Variants in MLF1 observed in about 807,000 individuals in gnomAD.
The protein encoded by MLF1 is myelodysplasia-myeloid leukemia factor 1.
A neutral mutation model predicts 38.3 loss-of-function variants in MLF1; 37 were observed. The ratio of observed to expected loss-of-function variants is 0.96; its 90% CI spans 0.74 to 1.27. The LOEUF (loss-of-function observed/expected upper bound fraction) is 1.27. MLF1 is among the 50% of genes most tolerant of loss of function. MLF1 has a pLI of 0.00. For synonymous variants in MLF1, 95 were observed against 106.5 expected (o/e 0.89, Z 0.66); for missense variants, 331 against 349.2 (o/e 0.95, Z 0.42).
In MLF1 at chr3:158,598,213, G is replaced by A; in HGVS notation, c.453+5G>A. ...ACTCGTCGAGCTCCAGGAGGAGTAA[G>A]TTTTCTATAAGCATTCCTAAAGTTT... On this transcript the variant is annotated splice_donor_5th_base_variant and intron_variant, in intron 5 of 7. Coordinates refer to ENST00000466246, the MANE Select transcript of MLF1 (RefSeq NM_001369783.1). The A allele has an allele frequency of 6.2e-7, 1 of 1,604,738 alleles. No individual in the cohort carries two copies. The highest frequency in any genetic ancestry group is 8.5e-7 in the Non-Finnish European group (1 of 1,175,726).
chr3:158,597,091 A>G (rs531498512), intron 4 of MLF1, 146 bp downstream of exon 4: 64 of 512,706 alleles, frequency 1.2e-4, no homozygotes, highest in African/African-American at 1.1e-3. Flanking sequence ...TGTATACTTT[A>G]TAAATATATT....
chr3:158,591,116 C>T (rs751044362), intron 1 of MLF1: 27 of 513,034 alleles, frequency 5.3e-5, no homozygotes, highest in Non-Finnish European at 1.6e-5. Flanking sequence ...TGAGCTTCCT[C>T]CTTTGAGCTT....
chr3:158,598,394 GT>G (rs1719222415), intron 5 of MLF1, among the ~76,000 whole-genome samples, 186 bp downstream of exon 5: 1 of 146,630 alleles, frequency 6.8e-6, no homozygotes, highest in Non-Finnish European at 1.5e-5. Flanking sequence ...TATTTACTTA[GT>G]TTGTGGCATT....
chr3:158,572,116 G>T (rs1268993372), intron 1 of MLF1, among the ~76,000 whole-genome samples: 1 of 107,580 alleles, frequency 9.3e-6, no homozygotes, highest in Non-Finnish European at 1.9e-5. Flanking sequence ...CATGAGGTGT[G>T]GGGGAGAGTT....
chr3:158,606,297 G>C lies in MLF1; in HGVS notation c.*1095G>C, dbSNP rs1356002673. The C allele has an allele frequency of 1.2e-5, 2 of 173,460 alleles. No homozygotes were observed. Among genetic ancestry groups the C allele is most frequent in the Non-Finnish European group, 2.5e-5 (2 of 80,242 alleles). The allele number at this position is 173,460 out of a possible 1,614,324, so 10.7% of individuals were successfully genotyped here. On this transcript the variant is annotated 3_prime_UTR_variant, in exon 8 of 8. Transcript: ENST00000466246. ...TCAAGGAAAAAAGCCCCCAAAAATT[G>C]CTATCACTCTATAATCCTAAGTATT... is the stretch of plus-strand genomic sequence containing the variant.
chr3:158,598,791 A>AG (rs1230089388), intron 5 of MLF1, among the ~76,000 whole-genome samples: 3 of 152,114 alleles, frequency 2.0e-5, no homozygotes, highest in South Asian at 2.1e-4. Context: ...TCCCCTTCTC[A>AG]GAGATTACCA....
chr3:158,596,018 C>G (rs1191335524), intron 3 of MLF1, among the ~76,000 whole-genome samples: 5 of 152,096 alleles, frequency 3.3e-5, no homozygotes, highest in Non-Finnish European at 7.4e-5. Context: ...TTCTCAACCT[C>G]AGCCCTACTG....
intron 1 of MLF1, among the ~76,000 whole-genome samples, chr3:158,590,478 A>T (rs1576668311): frequency 6.6e-6 from 1 of 152,360 alleles, no homozygotes; most frequent in East Asian, 1.9e-4. Context: ...ATAAATATTC[A>T]TAGTAGCTTT....
intron 1 of MLF1, 87 bp downstream of exon 1, chr3:158,571,434 AG>A (rs746616663): frequency 6.6e-7 from 1 of 1,517,884 alleles, no homozygotes; most frequent in African/African-American, 1.4e-5. Flanking sequence ...CGAGTTTTAG[AG>A]GGCGAGAGAG....
intron 2 of MLF1, among the ~76,000 whole-genome samples, chr3:158,592,889 A>G (rs1718367568): frequency 6.6e-6 from 1 of 152,140 alleles, no homozygotes; most frequent in African/African-American, 2.4e-5. Flanking sequence ...GATATCTGAA[A>G]TTAGAACAGG....
At position 158,582,315 on chromosome 3, in the gene MLF1, G is replaced by GA. The variant is rs111461599; in HGVS notation, c.48-10109dup. On this transcript the variant is annotated intron_variant, in intron 1 of 7. Coordinates refer to ENST00000466246, the MANE Select transcript of MLF1 (RefSeq NM_001369783.1). ...TGAAAATCAAAGAGAAAAAAGACTGGAAAAAAAAAACCCATAATATCCAAG... is the reference window on the plus strand; with the variant it reads ...TGAAAATCAAAGAGAAAAAAGACTGGAAAAAAAAAAACCCATAATATCCAAG... Among the ~76,000 whole-genome samples, 1,192 of 149,592 alleles carry GA rather than the reference G, an allele frequency of 8.0e-3. 20 individuals carry two copies. Among genetic ancestry groups the GA allele is most frequent in the African/African-American group, 0.028 (1,132 of 40,652 alleles).
At position 158,592,488 on chromosome 3, in the gene MLF1, T is replaced by C; in HGVS notation, c.102T>C (p.Ser34=). ...TGCGACAGATGATAAGAAGTTTTTCTGAACCCTTTGGAAGAGACTTGCTCA... is the reference window on the plus strand; with the variant it reads ...TGCGACAGATGATAAGAAGTTTTTCCGAACCCTTTGGAAGAGACTTGCTCA... ...ENMRQMIRSF[S]EPFGRDLLSI... The change falls in exon 2 of 8, where the codon TCT becomes TCC. Residue 34 remains serine (S), a synonymous_variant. Coordinates refer to ENST00000466246, the MANE Select transcript of MLF1 (RefSeq NM_001369783.1). 6.2e-7 allele frequency: 1 copy of C among 1,612,564 alleles called. No homozygotes were observed. Among genetic ancestry groups the C allele is most frequent in the Non-Finnish European group, 8.5e-7 (1 of 1,179,448 alleles).
intron 1 of MLF1, among the ~76,000 whole-genome samples, chr3:158,585,988 C>T (rs1426807693): frequency 6.6e-6 from 1 of 151,666 alleles, no homozygotes; most frequent in Non-Finnish European, 1.5e-5. Context: ...ATAGTAAAAC[C>T]CCATCTCTAC....
Position 158,592,589 on chromosome 3 carries a change from C to CT in MLF1, c.195+16dup, listed in dbSNP as rs773011812. On this transcript the variant is annotated intron_variant, in intron 2 of 7. Transcript: ENST00000466246. ...GGTGAAGATTCTTTGACTGTAAGTT[C>CT]TTTTTTTTAAGACAGTTAGTGAGAA... 39 of 1,570,962 alleles carry CT rather than the reference C, an allele frequency of 2.5e-5. No homozygotes were observed. The highest frequency in any genetic ancestry group is 1.3e-4 in the Admixed American group (7 of 54,774).
At chr3:158,596,837 T>C (rs1485273968) in intron 3 of MLF1, 25 bp from the exon 4 acceptor site, 3 of 1,507,458 alleles carry the variant, frequency 2.0e-6, no homozygotes, top group Admixed American at 1.8e-5. Flanking sequence ...CTACAGTTAA[T>C]AACATACTTC....
intron 1 of MLF1, among the ~76,000 whole-genome samples, chr3:158,574,082 C>A (rs184114001): frequency 8.5e-5 from 13 of 152,182 alleles, no homozygotes; most frequent in Admixed American, 3.3e-4. Flanking sequence ...TACAGGCATG[C>A]GCCACTGCAC....
intron 7 of MLF1, 89 bp from the exon 8 acceptor site, chr3:158,605,008 A>G (rs1185391641): frequency 1.0e-6 from 1 of 970,292 alleles, no homozygotes; most frequent in Admixed American, 2.7e-5. Flanking sequence ...CTTTTCTTAT[A>G]TTACAGTGGT....
chr3:158,583,438 GGAAA>G (rs1474789123), intron 1 of MLF1, among the ~76,000 whole-genome samples: 1 of 151,912 alleles, frequency 6.6e-6, no homozygotes, highest in Admixed American at 6.6e-5. Context: ...AGAAATAAAG[GGAAA>G]GAAAGAAAGG....
At chr3:158,598,053 C>T (rs1444241377) in intron 4 of MLF1, 27 bp from the exon 5 acceptor site, 3 of 1,608,018 alleles carry the variant, frequency 1.9e-6, no homozygotes, top group African/African-American at 1.3e-5. Context: ...TTTGACTCGA[C>T]TGAATTTACA....
Sources: allele counts gnomAD v4.1 joint callset (sites outside exome capture counted in the v4.1 genomes callset), GRCh38; gene constraint gnomAD v4.1.1; transcripts MANE v1.5; gene names NCBI Gene and HGNC (gene_info 2026-07-23, HGNC 2026-07-21).